The following TC2N variants were observed in gnomAD, a reference collection of about 807,000 sequenced individuals.
TC2N encodes tandem C2 domains nuclear protein.
A neutral mutation model predicts 61.9 loss-of-function variants in TC2N; 51 were observed. The observed-to-expected ratio is 0.82, with a 90% CI of 0.66 to 1.04. The LOEUF is 1.04. Among genes scored for constraint, TC2N ranks in the 50% least tolerant of loss-of-function variants. The probability of loss-of-function intolerance (pLI) is 0.00; values close to 1 mark genes in which losing one functional copy is unlikely to be tolerated. For missense variants in TC2N, 556 were observed against 566.7 expected (o/e 0.98, Z 0.19); for synonymous variants, 204 against 192.6 (o/e 1.06, Z -0.49).
intron 1 of TC2N, among the ~76,000 whole-genome samples, chr14:91,841,899 C>T (rs1888170008): frequency 6.6e-6 from 1 of 152,056 alleles, no homozygotes; most frequent in Admixed American, 6.6e-5. Context: ...GATTAAACCC[C>T]TCCAATACAT....
chr14:91,852,581 G>A (rs186838677), intron 1 of TC2N, among the ~76,000 whole-genome samples: 1 of 152,190 alleles, frequency 6.6e-6, no homozygotes, highest in Non-Finnish European at 1.5e-5. Flanking sequence ...TCACTAACTG[G>A]TTGTTTAAAG....
chr14:91,854,501 AAGGAGGTGGAGGAGGAGGAGG>A (rs1481001302), intron 1 of TC2N, among the ~76,000 whole-genome samples: 6 of 93,632 alleles, frequency 6.4e-5, no homozygotes, highest in African/African-American at 2.7e-4. Context: ...AGAGGAGGAG[AAGGAGGTGGAGGAGGAGGAGG>A]AGGAGGAGGA....
At chr14:91,854,546 C>G (rs1888445565) in intron 1 of TC2N, among the ~76,000 whole-genome samples, 1 of 150,194 alleles carries the variant, frequency 6.7e-6, no homozygotes, top group African/African-American at 2.5e-5. Context: ...GGGGGTAAAA[C>G]ATAAGAGATT....
At chr14:91,813,660 G>A (rs543412703) in intron 2 of TC2N, 43 bp downstream of exon 2, 35 of 1,359,924 alleles carry the variant, frequency 2.6e-5, no homozygotes, top group African/African-American at 2.9e-5. Context: ...CACAAATGAA[G>A]AAGATGCTAC....
intron 1 of TC2N, 32 bp from the exon 2 acceptor site, chr14:91,813,857 C>T: frequency 3.6e-6 from 3 of 842,614 alleles, no homozygotes; most frequent in Non-Finnish European, 5.9e-6. Context: ...AGTTAACCTG[C>T]TTGTCATGCT....
chr14:91,836,978 T>C (rs1183480605), intron 1 of TC2N, among the ~76,000 whole-genome samples: 2 of 152,246 alleles, frequency 1.3e-5, no homozygotes, highest in East Asian at 3.8e-4. Flanking sequence ...ATAAAGTCTT[T>C]GAGGATCAGC....
chr14:91,783,303 G>T, intron 11 of TC2N, 93 bp from the exon 12 acceptor site: 3 of 645,976 alleles, frequency 4.6e-6, no homozygotes, highest in Non-Finnish European at 7.9e-6. Flanking sequence ...GAAGAAATTT[G>T]GAAGTTTGCT....
intron 1 of TC2N, chr14:91,836,538 C>T (rs1450922959): frequency 1.4e-5 from 1 of 72,986 alleles, no homozygotes; most frequent in Non-Finnish European, 3.2e-5. Context: ...CACCACCCAC[C>T]AGGGCCGCCC....
chr14:91,838,182 G>A (rs929515586), intron 1 of TC2N, among the ~76,000 whole-genome samples: 1 of 115,830 alleles, frequency 8.6e-6, no homozygotes, highest in African/African-American at 3.5e-5. Context: ...TCTCACTGTT[G>A]CCCAGACTGG....
intron 1 of TC2N, among the ~76,000 whole-genome samples, chr14:91,847,587 C>T (rs1167364193): frequency 1.3e-5 from 2 of 152,222 alleles, no homozygotes; most frequent in Non-Finnish European, 2.9e-5. Flanking sequence ...ATGACCTTCA[C>T]ATCTGACTGA....
intron 1 of TC2N, among the ~76,000 whole-genome samples, chr14:91,855,365 T>C (rs1888463531): frequency 6.6e-6 from 1 of 152,218 alleles, no homozygotes; most frequent in Non-Finnish European, 1.5e-5. Flanking sequence ...AGCAGGGCCA[T>C]GCTCCCTCCA....
At chr14:91,804,185 A>G (rs1268810999) in intron 3 of TC2N, among the ~76,000 whole-genome samples, 1 of 152,232 alleles carries the variant, frequency 6.6e-6, no homozygotes, top group Non-Finnish European at 1.5e-5. Flanking sequence ...AAGACGGACA[A>G]TAGTACGTGT....
At chr14:91,825,010 A>ATTTTC (rs1887426348) in intron 1 of TC2N, among the ~76,000 whole-genome samples, 1 of 130,868 alleles carries the variant, frequency 7.6e-6, no homozygotes, top group Non-Finnish European at 1.7e-5. Context: ...AATCCTTGTA[A>ATTTTC]TTTTCTTTTT....
chr14:91,841,096 G>A (rs1222360239), intron 1 of TC2N, among the ~76,000 whole-genome samples: 2 of 152,180 alleles, frequency 1.3e-5, no homozygotes, highest in Admixed American at 1.3e-4. Flanking sequence ...ATCTGTGAAG[G>A]AGGAAACAAA....
At chr14:91,862,558 C>G (rs1236527194) in intron 1 of TC2N, among the ~76,000 whole-genome samples, 1 of 152,138 alleles carries the variant, frequency 6.6e-6, no homozygotes, top group East Asian at 1.9e-4. Flanking sequence ...AGAGCAGCCT[C>G]GAGGCAATTT....
chr14:91,825,233 C>T (rs1170712746), intron 1 of TC2N, among the ~76,000 whole-genome samples: 1 of 151,790 alleles, frequency 6.6e-6, no homozygotes, highest in African/African-American at 2.4e-5. Context: ...GGGGTTTCAC[C>T]ATCTTGGCCA....
chr14:91,828,545 TTAG>T (rs1887603066), intron 1 of TC2N, among the ~76,000 whole-genome samples: 1 of 152,042 alleles, frequency 6.6e-6, no homozygotes. Context: ...TTTCCTCATA[TTAG>T]TATTCACATT....
Position 91,780,220 on chromosome 14 carries a change from A to AT in TC2N, c.*2879dup, listed in dbSNP as rs2139812418. 6.6e-6 allele frequency: 1 copy of AT among 152,364 alleles called. No homozygotes were observed. Among genetic ancestry groups the AT allele is most frequent in the Admixed American group, 6.5e-5 (1 of 15,302 alleles). The allele number at this position is 152,364 out of a possible 1,614,324, so 9.4% of individuals were successfully genotyped here. A position where few individuals can be genotyped will look rare whatever the true frequency, so the allele number is the denominator to read the frequency against. ...TACTGCTATGCTATCAAAAGCTGAC[A>AT]TTTATTACAAATTTCTGAAATCCTT... On this transcript the variant is annotated 3_prime_UTR_variant, in exon 12 of 12. Transcript: ENST00000435962.
rs1032906367 is a variant in TC2N, at chr14:91,780,020, C to T, written c.*3080G>A. 6.6e-6 allele frequency: 1 copy of T among 152,068 alleles called. No homozygotes were observed. The highest frequency in any genetic ancestry group is 2.4e-5 in the African/African-American group (1 of 41,416). The allele number at this position is 152,068 out of a possible 1,614,324, so 9.4% of individuals were successfully genotyped here. ...TCATATGGGCCCACTTTTCATAATT[C>T]TTTCAACTCAATGTTTTAGCCAAAA... On this transcript the variant is annotated 3_prime_UTR_variant, in exon 12 of 12. Coordinates refer to ENST00000435962, the MANE Select transcript of TC2N (RefSeq NM_001128596.3).
Sources: allele counts gnomAD v4.1 joint callset (sites outside exome capture counted in the v4.1 genomes callset), GRCh38; gene constraint gnomAD v4.1.1; transcripts MANE v1.5; gene names NCBI Gene and HGNC (gene_info 2026-07-23, HGNC 2026-07-21).